Variants in PTPN21 observed in about 807,000 individuals in gnomAD.
PTPN21 encodes the protein tyrosine-protein phosphatase non-receptor type 21.
PTPN21 carries 77 observed loss-of-function variants against 131.8 expected under a neutral mutation model. The ratio of observed to expected loss-of-function variants is 0.58; its 90% CI spans 0.49 to 0.71. The LOEUF is 0.71. Among genes scored for constraint, PTPN21 ranks in the 30% least tolerant of loss-of-function variants. The pLI, the probability that PTPN21 is intolerant of heterozygous loss-of-function variation, is 0.00. For missense variants in PTPN21, 1,552 were observed against 1,527.1 expected, an observed-to-expected ratio of 1.02 and a Z score of -0.27; for synonymous variants, 715 against 621.3, an observed-to-expected ratio of 1.15 and a Z score of -2.24.
intron 2 of PTPN21, among the ~76,000 whole-genome samples, chr14:88,520,410 TA>T (rs67513989): frequency 0.37 from 53,947 of 146,672 alleles, 10,002 homozygotes; most frequent in African/African-American, 0.49. Flanking sequence ...GACTCTGCCT[TA>T]AAAAAAAAAA....
chr14:88,523,072 G>C (rs997100369), intron 2 of PTPN21, among the ~76,000 whole-genome samples: 9 of 151,716 alleles, frequency 5.9e-5, no homozygotes, highest in Non-Finnish European at 8.8e-5. Flanking sequence ...TCAAGGAAAA[G>C]GAGAGAATAC....
chr14:88,518,386 G>GTGTGTA (rs1259300832), intron 2 of PTPN21, among the ~76,000 whole-genome samples: 19 of 9,702 alleles, frequency 2.0e-3, no homozygotes, highest in African/African-American at 2.7e-3. Flanking sequence ...GTGTGTGTGT[G>GTGTGTA]TATATATATA....
intron 10 of PTPN21, among the ~76,000 whole-genome samples, chr14:88,495,250 A>G (rs2077892938): frequency 6.6e-6 from 1 of 152,176 alleles, no homozygotes; most frequent in South Asian, 2.1e-4. Flanking sequence ...ATTCATCAGC[A>G]AGTTCTGCCA....
chr14:88,500,244 C>T (rs2077988393), intron 8 of PTPN21, among the ~76,000 whole-genome samples: 1 of 152,106 alleles, frequency 6.6e-6, no homozygotes, highest in South Asian at 2.1e-4. Context: ...CTAGCCTGGG[C>T]AACATGGTGA....
At chr14:88,534,612 G>A (rs1339831055) in intron 2 of PTPN21, among the ~76,000 whole-genome samples, 1 of 152,138 alleles carries the variant, frequency 6.6e-6, no homozygotes, top group African/African-American at 2.4e-5. Flanking sequence ...GGTGGCTCAT[G>A]CCTGTAATCC....
chr14:88,509,799 G>A (rs532715144), intron 3 of PTPN21, among the ~76,000 whole-genome samples: 5 of 152,352 alleles, frequency 3.3e-5, no homozygotes, highest in African/African-American at 1.2e-4. Context: ...ATTTTGGGAA[G>A]CCAAGGCGGG....
chr14:88,513,100 A>C (rs77399445), intron 3 of PTPN21, among the ~76,000 whole-genome samples: 1 of 152,156 alleles, frequency 6.6e-6, no homozygotes, highest in African/African-American at 2.4e-5. Context: ...TTTTTTTTAA[A>C]GTATTATGAA....
intron 18 of PTPN21, 132 bp from the exon 19 acceptor site, chr14:88,468,397 G>T: frequency 1.2e-6 from 1 of 865,314 alleles, no homozygotes; most frequent in Non-Finnish European, 1.7e-6. Context: ...GCGTCTTCTA[G>T]AAATAAGCCA....
In PTPN21 at chr14:88,520,076, T is replaced by C. The variant is rs371608616; in HGVS notation, c.181-2815A>G. Among the ~76,000 whole-genome samples the C allele has an allele frequency of 3.3e-5, 5 of 152,164 alleles. No individual in the cohort carries two copies. In the East Asian group the frequency reaches 5.8e-4, roughly 18 times the overall value. ...CCTTTAAAGTTTGATAACTTTGCACTACACTACACTGCTCCTCCAAAGTTA... is the reference window on the plus strand; with the variant it reads ...CCTTTAAAGTTTGATAACTTTGCACCACACTACACTGCTCCTCCAAAGTTA... On this transcript the variant is annotated intron_variant, in intron 2 of 18. Transcript: ENST00000556564.
At chr14:88,470,658 G>A (rs975957703) in intron 15 of PTPN21, among the ~76,000 whole-genome samples, 2 of 152,294 alleles carry the variant, frequency 1.3e-5, no homozygotes, top group Admixed American at 6.5e-5. Flanking sequence ...CTCACTAAAC[G>A]TAAAACCCAG....
intron 4 of PTPN21, among the ~76,000 whole-genome samples, chr14:88,507,438 C>T (rs2078108829): frequency 6.6e-6 from 1 of 152,164 alleles, no homozygotes; most frequent in African/African-American, 2.4e-5. Context: ...CTACTACACA[C>T]CTAGGCTATA....
intron 3 of PTPN21, among the ~76,000 whole-genome samples, chr14:88,509,090 C>T (rs993637446): frequency 4.0e-5 from 6 of 150,290 alleles, no homozygotes; most frequent in Admixed American, 6.6e-5. Flanking sequence ...AGAGCATAGC[C>T]GGCTAACAGC....
intron 2 of PTPN21, among the ~76,000 whole-genome samples, chr14:88,541,025 T>G (rs1376227175): frequency 6.6e-6 from 1 of 152,224 alleles, no homozygotes; most frequent in Non-Finnish European, 1.5e-5. Context: ...GTATATTTTC[T>G]TAGCCTGAGT....
At chr14:88,544,655 T>G (rs1050625714) in intron 2 of PTPN21, among the ~76,000 whole-genome samples, 1 of 152,158 alleles carries the variant, frequency 6.6e-6, no homozygotes, top group Non-Finnish European at 1.5e-5. Context: ...ACCTAGGTGT[T>G]TCTGAATACT....
At chr14:88,478,138 T>G (rs1309241225) in intron 13 of PTPN21, among the ~76,000 whole-genome samples, 2 of 152,140 alleles carry the variant, frequency 1.3e-5, no homozygotes, top group African/African-American at 2.4e-5. Flanking sequence ...GCCACAAAAG[T>G]AGAGGAAATG....
chr14:88,519,281 G>C (rs529401824), intron 2 of PTPN21, among the ~76,000 whole-genome samples: 1 of 152,320 alleles, frequency 6.6e-6, no homozygotes, highest in Non-Finnish European at 1.5e-5. Flanking sequence ...CTGCTTTGTA[G>C]TTGCACACTC....
intron 3 of PTPN21, among the ~76,000 whole-genome samples, chr14:88,514,750 C>T (rs1200049464): frequency 6.6e-6 from 1 of 151,502 alleles, no homozygotes; most frequent in African/African-American, 2.4e-5. Context: ...AGGTGTGAGC[C>T]ACCACGCCTG....
chr14:88,470,035 T>C lies in PTPN21; in HGVS notation c.2887A>G (p.Ile963Val), dbSNP rs866533218. ...ASHIKVSVSG[I>V]EWDYIATQGP... Reference sequence around the variant, plus strand: ...TGTGTGGCAATATAATCCCATTCGATTCCACTGACAGAGACCTGGGATTAG... The same window carrying C: ...TGTGTGGCAATATAATCCCATTCGACTCCACTGACAGAGACCTGGGATTAG... Residue 963 changes from isoleucine to valine, a missense_variant, in exon 16 of 19, where the codon ATC becomes GTC. Ile to Val is a conservative substitution (Grantham distance 29). This residue lies in a region of PTPN21 where 316 missense variants were observed against 378.5 expected (regional missense o/e 0.83). Coordinates refer to ENST00000556564, the MANE Select transcript of PTPN21 (RefSeq NM_007039.4). 9.9e-6 allele frequency: 16 copies of C among 1,613,012 alleles called. No homozygotes were observed. Among genetic ancestry groups the C allele is most frequent in the African/African-American group, 9.3e-5 (7 of 74,896 alleles).
intron 10 of PTPN21, among the ~76,000 whole-genome samples, chr14:88,494,387 T>C (rs1227379328): frequency 6.6e-6 from 1 of 152,092 alleles, no homozygotes; most frequent in Non-Finnish European, 1.5e-5. Flanking sequence ...AGAAGTAAAA[T>C]GGGGCCAGGC....
Sources: gnomAD v4.1 joint callset for allele counts (sites outside exome capture counted in the v4.1 genomes callset) on GRCh38, gnomAD v4.1.1 for gene constraint, gnomAD v4.1.1 regional missense constraint, MANE v1.5 for transcripts, NCBI Gene and HGNC (gene_info 2026-07-23, HGNC 2026-07-21) for gene names.